Variants in RBKS observed in about 807,000 individuals in gnomAD.
The protein encoded by RBKS is ribokinase.
RBKS carries 33 observed loss-of-function variants against 33.9 expected under a neutral mutation model. The ratio of observed to expected loss-of-function variants is 0.97; its 90% CI spans 0.74 to 1.30. RBKS has a LOEUF of 1.30. Among genes scored for constraint, RBKS ranks in the 50% most tolerant of loss-of-function variants. The probability of loss-of-function intolerance (pLI) is 0.00; values close to 1 mark genes in which losing one functional copy is unlikely to be tolerated. For synonymous variants in RBKS, 125 were observed against 143.0 expected, an observed-to-expected ratio of 0.87 and a Z score of 0.90; for missense variants, 361 against 392.6, an observed-to-expected ratio of 0.92 and a Z score of 0.68.
In RBKS at chr2:27,788,502, G is replaced by A. The variant is rs528391659; in HGVS notation, c.796-6714C>T. Among the ~76,000 whole-genome samples, 4 of 152,228 alleles carry A rather than the reference G, an allele frequency of 2.6e-5. No individual in the cohort carries two copies. The East Asian group carries it at 5.8e-4, about 22-fold the overall frequency. On this transcript the variant is annotated intron_variant, in intron 7 of 7. Coordinates refer to ENST00000302188, the MANE Select transcript of RBKS (RefSeq NM_022128.3). ...GGGTGGATAACAAGGTCAGGAGATC[G>A]AGACCATCCTGGCTAACATGGTGAA...
chr2:27,817,427 G>A (rs1434996265), intron 7 of RBKS, among the ~76,000 whole-genome samples: 1 of 152,228 alleles, frequency 6.6e-6, no homozygotes, highest in Non-Finnish European at 1.5e-5. Context: ...ATGAACATGA[G>A]TTGTTCCAGA....
rs951900932 is a variant in RBKS at position 27,810,712 on chromosome 2, C to T, written c.795+16855G>A. On this transcript the variant is annotated intron_variant, in intron 7 of 7. Transcript: ENST00000302188. This position sits in a 1 kb window ranked among gnomAD's most constrained non-coding sequence, Gnocchi z 4.4. ...TTAAGGAAATGAACTATCTTTATGTCATCTGAATTCCCATGAGCTCTCAAA... is the reference window on the plus strand; with the variant it reads ...TTAAGGAAATGAACTATCTTTATGTTATCTGAATTCCCATGAGCTCTCAAA... 3.3e-5 allele frequency among the ~76,000 whole-genome samples: 5 copies of T among 152,098 alleles called. No homozygotes were observed.
intron 2 of RBKS, among the ~76,000 whole-genome samples, chr2:27,849,587 GAAAAAGA>G (rs1254487079): frequency 0.072 from 7,183 of 100,408 alleles, 549 homozygotes; most frequent in African/African-American, 0.19. Context: ...AAAAAAAAAA[GAAAAAGA>G]AAAAAAGAAA....
At chr2:27,886,363 G>A (rs1257785401) in intron 1 of RBKS, among the ~76,000 whole-genome samples, 1 of 152,174 alleles carries the variant, frequency 6.6e-6, no homozygotes, top group Admixed American at 6.5e-5. Flanking sequence ...CTAAAGAATA[G>A]GCATGCGTGT....
intron 7 of RBKS, among the ~76,000 whole-genome samples, chr2:27,821,253 CTAA>C (rs1444946965): frequency 6.6e-5 from 10 of 152,006 alleles, no homozygotes; most frequent in Non-Finnish European, 1.0e-4. Flanking sequence ...ATCCTGACTT[CTAA>C]TGAGGTTAAG....
intron 5 of RBKS, among the ~76,000 whole-genome samples, chr2:27,838,624 C>T (rs1460196979): frequency 2.0e-5 from 3 of 152,162 alleles, no homozygotes; most frequent in Non-Finnish European, 4.4e-5. Context: ...GCTTGTGCTA[C>T]CACAAATGAG....
At chr2:27,809,507 T>A (rs1185276960) in intron 7 of RBKS, among the ~76,000 whole-genome samples, 1 of 152,244 alleles carries the variant, frequency 6.6e-6, no homozygotes, top group African/African-American at 2.4e-5. Context: ...GCTTTGTATA[T>A]ATATTGGTGA....
intron 1 of RBKS, among the ~76,000 whole-genome samples, chr2:27,873,631 T>C (rs1664258005): frequency 6.6e-6 from 1 of 152,166 alleles, no homozygotes; most frequent in Non-Finnish European, 1.5e-5. Context: ...AAAACCAATA[T>C]TGTTGCTATA....
At chr2:27,788,606 C>G (rs1226392348) in intron 7 of RBKS, among the ~76,000 whole-genome samples, 1 of 152,124 alleles carries the variant, frequency 6.6e-6, no homozygotes, top group Non-Finnish European at 1.5e-5. Context: ...ACTCGGGAGG[C>G]TGAGGCAGGT....
chr2:27,787,990 T>C (rs1677435020), intron 7 of RBKS, among the ~76,000 whole-genome samples: 1 of 152,222 alleles, frequency 6.6e-6, no homozygotes, highest in African/African-American at 2.4e-5. Context: ...AAAAACCTTA[T>C]GATTATATCA....
chr2:27,835,397 G>A (rs1361910568), intron 5 of RBKS, among the ~76,000 whole-genome samples: 1 of 151,678 alleles, frequency 6.6e-6, no homozygotes, highest in South Asian at 2.1e-4. Context: ...ATTTATAAGT[G>A]AACAAGGAAG....
chr2:27,872,970 C>A (rs963114021), intron 1 of RBKS, among the ~76,000 whole-genome samples: 12 of 152,124 alleles, frequency 7.9e-5, no homozygotes, highest in African/African-American at 2.4e-5. Context: ...GCTATACTCG[C>A]AGAGAAAGCC....
chr2:27,794,305 A>AAAT (rs70953884), intron 7 of RBKS, among the ~76,000 whole-genome samples: 28,215 of 137,476 alleles, frequency 0.21, 3,059 homozygotes, highest in East Asian at 0.44. Context: ...CCCCCCCACA[A>AAAT]AATAATAATA....
chr2:27,835,291 G>GA (rs926708389), intron 5 of RBKS, among the ~76,000 whole-genome samples: 9 of 143,264 alleles, frequency 6.3e-5, no homozygotes, highest in Non-Finnish European at 1.2e-4. Flanking sequence ...AAAAAAAAAA[G>GA]AAAAAAAAGA....
intron 5 of RBKS, among the ~76,000 whole-genome samples, chr2:27,840,354 A>ACACGCG (rs1420115688): frequency 2.4e-4 from 26 of 108,410 alleles, no homozygotes; most frequent in Non-Finnish European, 3.6e-4. Flanking sequence ...ACACACACAC[A>ACACGCG]CGCGCGCGCG....
chr2:27,795,224 C>T lies in RBKS; in HGVS notation c.796-13436G>A, dbSNP rs1014770423. 6.6e-6 allele frequency among the ~76,000 whole-genome samples: 1 copy of T among 152,180 alleles called. No homozygotes were observed. ...TGGACCGTCTCTCAGTTGCCCCAGTCTCCACCTTCTCACCAGATGTGAGAT... is the reference window on the plus strand; with the variant it reads ...TGGACCGTCTCTCAGTTGCCCCAGTTTCCACCTTCTCACCAGATGTGAGAT... On this transcript the variant is annotated intron_variant, in intron 7 of 7. Coordinates refer to ENST00000302188, the MANE Select transcript of RBKS (RefSeq NM_022128.3). The surrounding 1 kb of genome is among the most constrained non-coding windows in gnomAD (Gnocchi z 4.1).
chr2:27,874,202 T>C (rs1664269203), intron 1 of RBKS, among the ~76,000 whole-genome samples: 1 of 152,206 alleles, frequency 6.6e-6, no homozygotes, highest in Non-Finnish European at 1.5e-5. Context: ...TTGTATTCAA[T>C]GAAGAAAATC....
intron 1 of RBKS, among the ~76,000 whole-genome samples, chr2:27,881,029 C>T (rs1246537943): frequency 6.6e-6 from 1 of 151,874 alleles, no homozygotes; most frequent in Non-Finnish European, 1.5e-5. Flanking sequence ...GCCTGAGCAA[C>T]ATGGCAAAAC....
At chr2:27,826,647 C>G (rs1678319131) in intron 7 of RBKS, among the ~76,000 whole-genome samples, 1 of 152,160 alleles carries the variant, frequency 6.6e-6, no homozygotes, top group South Asian at 2.1e-4. Flanking sequence ...ACCTCATGAT[C>G]CGCCCACCTC....
Sources: allele counts gnomAD v4.1 joint callset (sites outside exome capture counted in the v4.1 genomes callset), GRCh38; gene constraint gnomAD v4.1.1; non-coding constraint Gnocchi (gnomAD v3.1); transcripts MANE v1.5; gene names NCBI Gene and HGNC (gene_info 2026-07-23, HGNC 2026-07-21).